The following PIGG variants were observed in gnomAD, a reference collection of about 807,000 sequenced individuals.
PIGG encodes the protein phosphatidylinositol glycan anchor biosynthesis class G (EMM blood group).
In PIGG, 70 loss-of-function variants were observed where a neutral mutation model predicts 83.2. The ratio of observed to expected loss-of-function variants is 0.84; its 90% confidence interval spans 0.69 to 1.03. The LOEUF is 1.03. Ranked by LOEUF, PIGG falls within the 50% of genes least tolerant of loss-of-function variation. PIGG has a pLI of 0.00. For missense variants in PIGG, 1,257 were observed against 1,233.6 expected (o/e 1.02, Z -0.28); for synonymous variants, 532 against 519.5 (o/e 1.02, Z -0.33).
Position 539,621 on chromosome 4 carries a change from A to G in PIGG, c.*252A>G. ...GAATAAGCTATGGTGTGACCCAAAT[A>G]TGTGTGTTTAAATCAATGAATGAAA... On this transcript the variant is annotated 3_prime_UTR_variant, in exon 13 of 13. Transcript: ENST00000453061. The G allele has an allele frequency of 2.4e-6, 1 of 413,170 alleles. No individual in the cohort carries two copies. 25.6% of individuals were successfully genotyped at this position (413,170 alleles called of 1,614,324 possible). A position where few individuals can be genotyped will look rare whatever the true frequency, so the allele number is the denominator to read the frequency against.
intron 6 of PIGG, among the ~76,000 whole-genome samples, chr4:517,528 AAAG>A (rs1325896344): frequency 1.3e-5 from 2 of 152,128 alleles, no homozygotes. Flanking sequence ...GAAGCCATGT[AAAG>A]AAGTAATTTC....
chr4:521,284 T>C lies in PIGG; in HGVS notation c.1332+11T>C. ...GTCGTGGTTTTGGAGGTACAGATGCTCACACAGTCATGGCTCAGGTGTTGC... is the reference window on the plus strand; with the variant it reads ...GTCGTGGTTTTGGAGGTACAGATGCCCACACAGTCATGGCTCAGGTGTTGC... On this transcript the variant is annotated intron_variant, in intron 7 of 12. Coordinates refer to ENST00000453061, the MANE Select transcript of PIGG (RefSeq NM_001127178.3). The C allele has an allele frequency of 1.3e-6, 2 of 1,582,472 alleles. No homozygotes were observed. Among genetic ancestry groups the C allele is most frequent in the Non-Finnish European group, 1.7e-6 (2 of 1,151,804 alleles).
chr4:517,092 C>T (rs754123101), intron 6 of PIGG, among the ~76,000 whole-genome samples: 6 of 152,042 alleles, frequency 3.9e-5, no homozygotes, highest in East Asian at 3.9e-4. Context: ...GGCCACTGGG[C>T]GCTGGAAGGG....
chr4:510,189 G>A (rs868932968), intron 5 of PIGG, among the ~76,000 whole-genome samples: 4 of 152,196 alleles, frequency 2.6e-5, no homozygotes, highest in South Asian at 2.1e-4. Flanking sequence ...ATTTAGCCAC[G>A]TATTTATTAA....
At chr4:512,216 C>CTTTT (rs781786642) in intron 5 of PIGG, among the ~76,000 whole-genome samples, 15 of 114,288 alleles carry the variant, frequency 1.3e-4, no homozygotes, top group East Asian at 2.5e-4. Context: ...AGTTATCATA[C>CTTTT]TTTTTTTTTT....
In PIGG at chr4:530,697, G is replaced by A; in HGVS notation, c.2523G>A (p.Glu841=). ...IWKPLRHDAA[E]ITVMHYWFGQ... ...AGCCCCTGAGACACGATGCAGCTGA[G>A]ATTACTGTGATGCATTATTGGTTTG... The change falls in exon 11 of 13, where the codon GAG becomes GAA. Residue 841 remains glutamate, a synonymous_variant. Transcript: ENST00000453061. 4 of 1,613,904 alleles carry A rather than the reference G, an allele frequency of 2.5e-6. No homozygotes were observed. The highest frequency in any genetic ancestry group is 3.4e-6 in the Non-Finnish European group (4 of 1,179,810).
rs1270839039 is a variant in PIGG, at chr4:528,030, C to T, written c.2261+800C>T. ...AGGAACAACCAGGGTAATTATCCAG[C>T]AGCAATACAGTGATCCTCCCAGTGA... On this transcript the variant is annotated intron_variant, in intron 10 of 12. Coordinates refer to ENST00000453061, the MANE Select transcript of PIGG (RefSeq NM_001127178.3). The surrounding 1 kb of genome is among the most constrained non-coding windows in gnomAD (Gnocchi z 4.8). 1 of 985,284 alleles carries T rather than the reference C, an allele frequency of 1.0e-6. No homozygotes were observed. Among genetic ancestry groups the T allele is most frequent in the Non-Finnish European group, 1.2e-6 (1 of 829,918 alleles). The allele number at this position is 985,284 out of a possible 1,614,324, so 61.0% of individuals were successfully genotyped here. A position where few individuals can be genotyped will look rare whatever the true frequency, so the allele number is the denominator to read the frequency against.
rs972427009 is a variant in PIGG, at chr4:526,922, C to G, written c.2070-117C>G. 5.4e-6 allele frequency: 6 copies of G among 1,103,144 alleles called. No homozygotes were observed. In the African/African-American group the frequency reaches 9.5e-5, roughly 18 times the overall value. The allele number at this position is 1,103,144 out of a possible 1,614,324, so 68.3% of individuals were successfully genotyped here. On this transcript the variant is annotated intron_variant, in intron 9 of 12. Coordinates refer to ENST00000453061, the MANE Select transcript of PIGG (RefSeq NM_001127178.3). ...ATAAAAATCAACAATTTCATGTAAT[C>G]TTTGGTTTTTGGGAAAATCAGCTAT...
Position 499,311 on chromosome 4 carries a change from C to A in PIGG, c.-25C>A, listed in dbSNP as rs375929291. 5.6e-6 allele frequency: 9 copies of A among 1,601,568 alleles called. No individual in the cohort carries two copies. Among genetic ancestry groups the A allele is most frequent in the Non-Finnish European group, 7.6e-6 (9 of 1,178,862 alleles). On this transcript the variant is annotated 5_prime_UTR_variant, in exon 1 of 13. Coordinates refer to ENST00000453061, the MANE Select transcript of PIGG (RefSeq NM_001127178.3). The stretch of plus-strand genomic sequence containing the variant: ...GGCGAGGCTCCAGGTGGGGTCGGTT[C>A]CGCATCCAGCCTAGCGTGTCCACGA...
chr4:508,599 T>G (rs1553881258), intron 4 of PIGG, among the ~76,000 whole-genome samples: 1 of 152,224 alleles, frequency 6.6e-6, no homozygotes, highest in Non-Finnish European at 1.5e-5. Flanking sequence ...AGGGCAGAAA[T>G]GCAGCCTGCT....
Position 521,691 on chromosome 4 carries a change from A to T in PIGG, c.1364A>T (p.Gln455Leu), listed in dbSNP as rs1390150253. 1 of 1,614,136 alleles carries T rather than the reference A, an allele frequency of 6.2e-7. No homozygotes were observed. The highest frequency in any genetic ancestry group is 1.7e-5 in the Admixed American group (1 of 60,024). ...ACCCTGCTCCTGCTCAGCGTCCCAC[A>T]GGCACTGCGCAGAAAGGCTGAGCTG... ...VLTLLLLSVPQALRRKAELEV... is the reference protein window; with the variant it reads ...VLTLLLLSVPLALRRKAELEV... Residue 455 changes from glutamine (Q) to leucine (L), a missense_variant, in exon 8 of 13, where the codon CAG becomes CTG. Transcript: ENST00000453061.
At chr4:503,376 C>T (rs1718439937) in intron 2 of PIGG, among the ~76,000 whole-genome samples, 1 of 152,220 alleles carries the variant, frequency 6.6e-6, no homozygotes, top group African/African-American at 2.4e-5. Flanking sequence ...AACCCCATCA[C>T]CCGTCCCTCA....
intron 2 of PIGG, among the ~76,000 whole-genome samples, chr4:504,715 T>C (rs955748396): frequency 2.0e-5 from 3 of 152,216 alleles, no homozygotes; most frequent in African/African-American, 2.4e-5. Context: ...AGGATGCCAG[T>C]GCTGGCTGGG....
chr4:523,921 C>T lies in PIGG; in HGVS notation c.2069+8C>T, dbSNP rs750645445. On this transcript the variant is annotated splice_region_variant and intron_variant, in intron 9 of 12. Transcript: ENST00000453061. ...CGGCCACTGGCTCACCAGGTGAGAGCGTAGGCCCGTGGCCACAGGCCAGAC... is the reference window on the plus strand; with the variant it reads ...CGGCCACTGGCTCACCAGGTGAGAGTGTAGGCCCGTGGCCACAGGCCAGAC... 3.1e-5 allele frequency: 46 copies of T among 1,488,116 alleles called. No individual in the cohort carries two copies. Among genetic ancestry groups the T allele is most frequent in the Middle Eastern group, 1.8e-4 (1 of 5,556 alleles). The allele number at this position is 1,488,116 out of a possible 1,614,324, so 92.2% of individuals were successfully genotyped here.
chr4:506,098 C>G (rs1172605742), intron 3 of PIGG, among the ~76,000 whole-genome samples, 171 bp downstream of exon 3: 1 of 151,708 alleles, frequency 6.6e-6, no homozygotes, highest in Non-Finnish European at 1.5e-5. Context: ...AGTTAACAAC[C>G]CAGAAATACA....
chr4:535,463 G>C, intron 12 of PIGG, among the ~76,000 whole-genome samples: 1 of 152,208 alleles, frequency 6.6e-6, no homozygotes, highest in African/African-American at 2.4e-5. Context: ...CGAGCGTCTG[G>C]GACACTGACT....
chr4:505,051 G>A (rs891639873), intron 2 of PIGG, among the ~76,000 whole-genome samples: 21 of 152,072 alleles, frequency 1.4e-4, no homozygotes, highest in African/African-American at 4.1e-4. Flanking sequence ...TGCTTGTCAC[G>A]TGGAGATTTG....
rs749148084 is a variant in PIGG, at chr4:530,760, T to C, written c.2571+15T>C. On this transcript the variant is annotated intron_variant, in intron 11 of 12. Coordinates refer to ENST00000453061, the MANE Select transcript of PIGG (RefSeq NM_001127178.3). ...TCTATTTTCAGGTAGGTTTTCATTATTATCATGGGTAGTAGACTTCATGTT... is the reference window on the plus strand; with the variant it reads ...TCTATTTTCAGGTAGGTTTTCATTACTATCATGGGTAGTAGACTTCATGTT... 10 of 1,510,482 alleles carry C rather than the reference T, an allele frequency of 6.6e-6. No individual in the cohort carries two copies. The South Asian group carries it at 8.0e-5, about 12-fold the overall frequency. 93.6% of individuals were successfully genotyped at this position (1,510,482 alleles called of 1,614,324 possible).
intron 12 of PIGG, 61 bp downstream of exon 12, chr4:534,042 G>T: frequency 1.0e-5 from 15 of 1,493,858 alleles, no homozygotes; most frequent in Non-Finnish European, 1.2e-5. Flanking sequence ...TTTAAGGGTC[G>T]TACTTTGTTC....
Sources: gnomAD v4.1 joint callset for allele counts (sites outside exome capture counted in the v4.1 genomes callset) on GRCh38, gnomAD v4.1.1 for gene constraint, Gnocchi (gnomAD v3.1) non-coding constraint, MANE v1.5 for transcripts, NCBI Gene and HGNC (gene_info 2026-07-23, HGNC 2026-07-21) for gene names.